SEL1L: variants seen among roughly 807,000 people sequenced by gnomAD.
SEL1L encodes SEL1L adaptor subunit of SYVN1 ubiquitin ligase.
Under a neutral mutation model 109.8 loss-of-function variants are expected in SEL1L, and 52 were observed. That is an observed-to-expected ratio of 0.47 (90% CI 0.38 to 0.60). The LOEUF (loss-of-function observed/expected upper bound fraction) is 0.60, where lower values mean the gene tolerates loss of function less well. Among genes scored for constraint, SEL1L ranks in the 20% least tolerant of loss-of-function variants. The pLI, the probability that SEL1L is intolerant of heterozygous loss-of-function variation, is 0.00. For missense variants in SEL1L, 749 were observed against 962.2 expected, an observed-to-expected ratio of 0.78 and a Z score of 2.93; for synonymous variants, 373 against 339.6, an observed-to-expected ratio of 1.10 and a Z score of -1.08.
Position 81,476,909 on chromosome 14 carries a change from T to C in SEL1L, c.*63A>G. Reference sequence around the variant, plus strand: ...CACTGATCCAAGGTCCTAAATCAAATGCAAGTGTTCCCAGCAGATAACTTC... The same window carrying C: ...CACTGATCCAAGGTCCTAAATCAAACGCAAGTGTTCCCAGCAGATAACTTC... On this transcript the variant is annotated 3_prime_UTR_variant, in exon 21 of 21. Coordinates refer to ENST00000336735, the MANE Select transcript of SEL1L (RefSeq NM_005065.6). 1 of 1,547,786 alleles carries C rather than the reference T, an allele frequency of 6.5e-7. No individual in the cohort carries two copies. The highest frequency in any genetic ancestry group is 2.3e-5 in the East Asian group (1 of 44,206).
At chr14:81,531,416 A>AAATTAT (rs1885317597) in intron 1 of SEL1L, among the ~76,000 whole-genome samples, 2 of 152,230 alleles carry the variant, frequency 1.3e-5, no homozygotes, top group Admixed American at 1.3e-4. Flanking sequence ...ACTAATGTTC[A>AAATTAT]AACACAAAAT....
intron 9 of SEL1L, 163 bp downstream of exon 9, chr14:81,498,250 T>C (rs1176673251): frequency 1.2e-6 from 1 of 825,664 alleles, no homozygotes; most frequent in East Asian, 2.7e-5. Flanking sequence ...TAAAGCAAAA[T>C]TATATAAAGA....
At chr14:81,489,518 G>A (rs1451031065) in intron 13 of SEL1L, among the ~76,000 whole-genome samples, 1 of 152,178 alleles carries the variant, frequency 6.6e-6, no homozygotes, top group Non-Finnish European at 1.5e-5. Context: ...GTAATTTGCT[G>A]AAAAAGAGTA....
rs533101321 is a variant in SEL1L, at chr14:81,474,944, G to A, written c.*2028C>T. On this transcript the variant is annotated 3_prime_UTR_variant, in exon 21 of 21. Transcript: ENST00000336735. ...CAAAGCACGTACTCAATGGAGGGAAGGAAAGTTAGATATAAAAATCTTGCT... is the reference window on the plus strand; with the variant it reads ...CAAAGCACGTACTCAATGGAGGGAAAGAAAGTTAGATATAAAAATCTTGCT... 1 of 152,310 alleles carries A rather than the reference G, an allele frequency of 6.6e-6. No homozygotes were observed. Among genetic ancestry groups the A allele is most frequent in the Non-Finnish European group, 1.5e-5 (1 of 68,030 alleles). The allele number at this position is 152,310 out of a possible 1,614,324, so 9.4% of individuals were successfully genotyped here.
chr14:81,522,687 C>A (rs1185324297), intron 3 of SEL1L, among the ~76,000 whole-genome samples: 1 of 152,206 alleles, frequency 6.6e-6, no homozygotes, highest in African/African-American at 2.4e-5. Context: ...CTCAGTATCA[C>A]TGGAGGACTG....
Position 81,504,917 on chromosome 14 carries a change from C to T in SEL1L, c.509-611G>A, listed in dbSNP as rs957862158. ...TCTCATATGGTAAGTTTCCTGAGGC[C>T]TCCCAAGAAGCCAAGCAGATGCCAG... On this transcript the variant is annotated intron_variant, in intron 4 of 20. Coordinates refer to ENST00000336735, the MANE Select transcript of SEL1L (RefSeq NM_005065.6). Among the ~76,000 whole-genome samples the T allele has an allele frequency of 4.0e-5, 6 of 151,460 alleles. 1 individual carries two copies. Among genetic ancestry groups the T allele is most frequent in the Admixed American group, 2.0e-4 (3 of 15,128 alleles).
chr14:81,484,112 T>C, intron 19 of SEL1L, 113 bp downstream of exon 19: 4 of 1,103,054 alleles, frequency 3.6e-6, no homozygotes, highest in Non-Finnish European at 4.0e-6. Flanking sequence ...GTCCCATAAT[T>C]TAGTGGCCTG....
In SEL1L at chr14:81,484,860, A is replaced by G. The variant is rs979332211; in HGVS notation, c.1874-463T>C. Reference sequence around the variant, plus strand: ...GAAACACTCTGGTCCTAAGCATTTCAGATAAGGGATACTCAACCTGTACTC... The same window carrying G: ...GAAACACTCTGGTCCTAAGCATTTCGGATAAGGGATACTCAACCTGTACTC... On this transcript the variant is annotated intron_variant, in intron 18 of 20. Coordinates refer to ENST00000336735, the MANE Select transcript of SEL1L (RefSeq NM_005065.6). 5.3e-5 allele frequency among the ~76,000 whole-genome samples: 8 copies of G among 152,350 alleles called. No homozygotes were observed. The East Asian group carries it at 1.5e-3, about 29-fold the overall frequency.
chr14:81,510,519 T>C (rs998181449), intron 3 of SEL1L, among the ~76,000 whole-genome samples: 5 of 130,878 alleles, frequency 3.8e-5, no homozygotes, highest in Admixed American at 2.4e-4. Context: ...TCTCTCTATA[T>C]ATATATATAT....
chr14:81,500,954 A>C (rs893170528), intron 6 of SEL1L, among the ~76,000 whole-genome samples: 30 of 152,344 alleles, frequency 2.0e-4, no homozygotes, highest in Non-Finnish European at 3.7e-4. Flanking sequence ...CTAACATGAC[A>C]AAGGCAGGTG....
intron 3 of SEL1L, 53 bp downstream of exon 3, chr14:81,526,680 A>G: frequency 5.7e-6 from 8 of 1,397,470 alleles, no homozygotes; most frequent in Non-Finnish European, 8.1e-6. Context: ...TTAGCTTAAA[A>G]TTTTCAGTTG....
intron 20 of SEL1L, 122 bp from the exon 21 acceptor site, chr14:81,477,303 ATGTGTGTGTGTGTG>A (rs10690579): frequency 1.1e-5 from 6 of 541,394 alleles, no homozygotes; most frequent in African/African-American, 1.9e-5. Context: ...ACGTTTTGCA[ATGTGTGTGTGTGTG>A]TGTGTGTGTG....
rs1216977912 is a variant in SEL1L at position 81,476,211 on chromosome 14, A to C, written c.*761T>G. 6.6e-6 allele frequency: 1 copy of C among 152,192 alleles called. No individual in the cohort carries two copies. The highest frequency in any genetic ancestry group is 1.5e-5 in the Non-Finnish European group (1 of 68,042). The allele number at this position is 152,192 out of a possible 1,614,324, so 9.4% of individuals were successfully genotyped here. On this transcript the variant is annotated 3_prime_UTR_variant, in exon 21 of 21. Coordinates refer to ENST00000336735, the MANE Select transcript of SEL1L (RefSeq NM_005065.6). ...TTCAAAACAAACAAGCAAATTACAG[A>C]GTAGGTGGGGCAAACTCGCGTTAGT...
chr14:81,500,686 T>C (rs1434987574), intron 6 of SEL1L, among the ~76,000 whole-genome samples: 1 of 152,148 alleles, frequency 6.6e-6, no homozygotes, highest in Non-Finnish European at 1.5e-5. Context: ...AGCATATTTC[T>C]CTATATATGC....
intron 8 of SEL1L, 170 bp from the exon 9 acceptor site, chr14:81,498,664 T>C: frequency 9.2e-6 from 5 of 542,866 alleles, no homozygotes; most frequent in Non-Finnish European, 1.7e-5. Context: ...TTCAGCAACT[T>C]CAACAAGAAG....
intron 2 of SEL1L, among the ~76,000 whole-genome samples, chr14:81,527,215 C>T (rs889093193): frequency 3.3e-5 from 5 of 152,180 alleles, no homozygotes; most frequent in African/African-American, 9.6e-5. Context: ...AGTCTGGGTT[C>T]GGTTTTCCTC....
chr14:81,525,857 C>T (rs1885090104), intron 3 of SEL1L, among the ~76,000 whole-genome samples: 2 of 152,144 alleles, frequency 1.3e-5, no homozygotes, highest in Middle Eastern at 3.4e-3. Context: ...CATTTTGACC[C>T]AATTTACTTT....
intron 3 of SEL1L, among the ~76,000 whole-genome samples, chr14:81,509,813 C>T (rs1215568864): frequency 2.0e-5 from 3 of 152,074 alleles, no homozygotes; most frequent in African/African-American, 7.2e-5. Flanking sequence ...TTTCCACTTC[C>T]AGGATGTTTA....
At chr14:81,480,860 G>C (rs555670766) in intron 19 of SEL1L, among the ~76,000 whole-genome samples, 1 of 152,246 alleles carries the variant, frequency 6.6e-6, no homozygotes, top group South Asian at 2.1e-4. Context: ...ACGTTTCTCT[G>C]CTTCGCTTTG....
Sources: gnomAD v4.1 joint callset for allele counts (sites outside exome capture counted in the v4.1 genomes callset) on GRCh38, gnomAD v4.1.1 for gene constraint, MANE v1.5 for transcripts, NCBI Gene and HGNC (gene_info 2026-07-23, HGNC 2026-07-21) for gene names.